LAMA2: variants seen among roughly 807,000 people sequenced by gnomAD.
LAMA2 encodes the protein laminin subunit alpha 2, also known as laminin subunit alpha-2.
In LAMA2, 269 loss-of-function variants were observed where a neutral mutation model predicts 364.8. That is an observed-to-expected ratio of 0.74 (90% CI 0.67 to 0.82). LAMA2 has a LOEUF of 0.82. Ranked by LOEUF, LAMA2 falls within the 40% of genes least tolerant of loss-of-function variation. LAMA2 has a pLI of 0.00. For synonymous variants in LAMA2, 1,379 were observed against 1,370.6 expected (o/e 1.01, Z -0.14); for missense variants, 3,807 against 3,873.2 (o/e 0.98, Z 0.45).
chr6:129,504,172 C>T (rs894246294), intron 60 of LAMA2, among the ~76,000 whole-genome samples: 2 of 152,140 alleles, frequency 1.3e-5, no homozygotes, highest in Admixed American at 1.3e-4. Context: ...CGAAGCCAAC[C>T]AATTTGTTAT....
At position 129,432,500 on chromosome 6, in the gene LAMA2, A is replaced by G. The variant is rs114257795; in HGVS notation, c.5968+4646A>G. 6.1e-3 allele frequency among the ~76,000 whole-genome samples: 924 copies of G among 152,332 alleles called. 8 individuals carry two copies. The highest frequency in any genetic ancestry group is 0.02 in the African/African-American group (825 of 41,582). ...GCAATAAAAATGGGGCTTAGAGCTA[A>G]AAACTTATCTGGGCTTTGTTGTGTG... On this transcript the variant is annotated intron_variant, in intron 41 of 64. Transcript: ENST00000421865.
At chr6:129,468,556 C>G (rs186041868) in intron 51 of LAMA2, among the ~76,000 whole-genome samples, 2 of 151,768 alleles carry the variant, frequency 1.3e-5, no homozygotes, top group Admixed American at 6.6e-5. Flanking sequence ...ACAAATAATT[C>G]ACAAAAGAAA....
intron 1 of LAMA2, among the ~76,000 whole-genome samples, chr6:128,899,599 T>C (rs1776961028): frequency 6.6e-6 from 1 of 152,186 alleles, no homozygotes; most frequent in Non-Finnish European, 1.5e-5. Context: ...ACATTTTATG[T>C]GTACTTTTTC....
intron 9 of LAMA2, among the ~76,000 whole-genome samples, chr6:129,167,013 T>A (rs1779785236): frequency 6.6e-6 from 1 of 152,216 alleles, no homozygotes; most frequent in Non-Finnish European, 1.5e-5. Flanking sequence ...TTATTCCATA[T>A]AATTACTTTT....
intron 1 of LAMA2, among the ~76,000 whole-genome samples, chr6:128,900,303 G>A (rs1432749815): frequency 6.6e-5 from 10 of 152,174 alleles, no homozygotes; most frequent in Admixed American, 3.9e-4. Context: ...TTTATTATAT[G>A]AGTGAATTTG....
chr6:129,133,923 G>A (rs1777640608), intron 4 of LAMA2, among the ~76,000 whole-genome samples: 2 of 152,196 alleles, frequency 1.3e-5, no homozygotes, highest in East Asian at 3.9e-4. Context: ...GAACCTTTGA[G>A]TCAGAGAATG....
chr6:129,274,688 T>C (rs1788179890), intron 17 of LAMA2, among the ~76,000 whole-genome samples: 1 of 152,020 alleles, frequency 6.6e-6, no homozygotes, highest in Non-Finnish European at 1.5e-5. Context: ...CATCAACTAT[T>C]TATGGTGATC....
At chr6:129,057,758 C>T (rs1788588949) in intron 2 of LAMA2, among the ~76,000 whole-genome samples, 1 of 152,120 alleles carries the variant, frequency 6.6e-6, no homozygotes, top group Admixed American at 6.5e-5. Flanking sequence ...CTCTCATCAC[C>T]ATTATTATTA....
intron 2 of LAMA2, among the ~76,000 whole-genome samples, chr6:129,053,349 G>A (rs1489009015): frequency 6.6e-6 from 1 of 152,180 alleles, no homozygotes; most frequent in Non-Finnish European, 1.5e-5. Context: ...ACAGACATGA[G>A]CCACTGCGCC....
In LAMA2 at chr6:129,206,211, T is replaced by C. The variant is rs57087994; in HGVS notation, c.1782+13358T>C. On this transcript the variant is annotated intron_variant, in intron 12 of 64. Coordinates refer to ENST00000421865, the MANE Select transcript of LAMA2 (RefSeq NM_000426.4). ...GTAGTTTATCTATCTAATCTATATG[T>C]ATGACTACTATTTGTCTTTTAAAGT... Among the ~76,000 whole-genome samples, 668 of 152,224 alleles carry C rather than the reference T, an allele frequency of 4.4e-3. 5 individuals are homozygous for C. Among genetic ancestry groups the C allele is most frequent in the African/African-American group, 0.015 (633 of 41,548 alleles).
At chr6:129,082,702 C>A (rs1774139173) in intron 3 of LAMA2, among the ~76,000 whole-genome samples, 1 of 152,038 alleles carries the variant, frequency 6.6e-6, no homozygotes, top group Non-Finnish European at 1.5e-5. Context: ...TTGAGACTAG[C>A]TTTAATTCTC....
intron 1 of LAMA2, among the ~76,000 whole-genome samples, chr6:129,047,593 A>G (rs1050052262): frequency 1.3e-5 from 2 of 152,160 alleles, no homozygotes; most frequent in African/African-American, 2.4e-5. Flanking sequence ...GAAAGAAAAG[A>G]TTCTTTGGGG....
At chr6:129,501,703 AGT>A (rs1307197204) in intron 58 of LAMA2, among the ~76,000 whole-genome samples, 4 of 152,192 alleles carry the variant, frequency 2.6e-5, no homozygotes, top group African/African-American at 9.7e-5. Context: ...TGTTGGTGAG[AGT>A]GTGCAGGTTA....
intron 17 of LAMA2, among the ~76,000 whole-genome samples, chr6:129,274,259 A>C (rs144558104): frequency 6.6e-6 from 1 of 151,954 alleles, no homozygotes; most frequent in Non-Finnish European, 1.5e-5. Flanking sequence ...AAAAAAAATC[A>C]CTAAACAAGA....
At chr6:129,071,791 A>G (rs1167777973) in intron 3 of LAMA2, among the ~76,000 whole-genome samples, 2 of 152,068 alleles carry the variant, frequency 1.3e-5, no homozygotes, top group Non-Finnish European at 2.9e-5. Flanking sequence ...TTTGAGACTA[A>G]ACTTTTTGAG....
chr6:129,456,570 T>C (rs773920800), intron 48 of LAMA2, 76 bp downstream of exon 48: 13 of 1,323,646 alleles, frequency 9.8e-6, no homozygotes, highest in Non-Finnish European at 1.3e-5. Context: ...GGAGAAGGTA[T>C]GATAAAGCTC....
chr6:129,515,217 C>T (rs1786952916), intron 64 of LAMA2, among the ~76,000 whole-genome samples: 1 of 152,140 alleles, frequency 6.6e-6, no homozygotes, highest in Admixed American at 6.5e-5. Context: ...AATAACATAG[C>T]CTCCTGGAAT....
At chr6:129,249,503 G>A (rs1354747492) in intron 12 of LAMA2, among the ~76,000 whole-genome samples, 2 of 152,230 alleles carry the variant, frequency 1.3e-5, no homozygotes, top group African/African-American at 2.4e-5. Context: ...AATGAAAAGA[G>A]GATAATATTT....
chr6:128,976,917 A>G (rs1582807507), intron 1 of LAMA2, among the ~76,000 whole-genome samples: 2 of 152,158 alleles, frequency 1.3e-5, no homozygotes. Context: ...CCTGTCTTCT[A>G]AATTGGGGTT....
Sources: allele counts gnomAD v4.1 joint callset (sites outside exome capture counted in the v4.1 genomes callset), GRCh38; gene constraint gnomAD v4.1.1; transcripts MANE v1.5; gene names NCBI Gene and HGNC (gene_info 2026-07-23, HGNC 2026-07-21).